DMTF1: variants seen among roughly 807,000 people sequenced by gnomAD.
DMTF1 encodes cyclin D binding myb like transcription factor 1.
Under a neutral mutation model 91.1 loss-of-function variants are expected in DMTF1, and 39 were observed. The ratio of observed to expected loss-of-function variants is 0.43; its 90% confidence interval spans 0.33 to 0.56. The LOEUF (loss-of-function observed/expected upper bound fraction) is 0.56. Ranked by LOEUF, DMTF1 falls within the 20% of genes least tolerant of loss-of-function variation. The pLI is 0.05. For synonymous variants in DMTF1, 338 were observed against 309.5 expected, an observed-to-expected ratio of 1.09 and a Z score of -0.97; for missense variants, 750 against 914.5, an observed-to-expected ratio of 0.82 and a Z score of 2.32.
intron 9 of DMTF1, 53 bp from the exon 10 acceptor site, chr7:87,182,175 T>A: frequency 6.2e-7 from 1 of 1,612,774 alleles, no homozygotes; most frequent in Non-Finnish European, 8.5e-7. Context: ...ATGATGAAAT[T>A]AAAAGGGAGA....
chr7:87,154,771 C>CT (rs1790241677), intron 1 of DMTF1, among the ~76,000 whole-genome samples: 2 of 152,004 alleles, frequency 1.3e-5, no homozygotes, highest in Non-Finnish European at 2.9e-5. Flanking sequence ...TTAGAGATCT[C>CT]TTTTTTCAAT....
intron 1 of DMTF1, among the ~76,000 whole-genome samples, chr7:87,153,596 G>GCTTT (rs1321772826): frequency 6.6e-6 from 1 of 152,128 alleles, no homozygotes; most frequent in African/African-American, 2.4e-5. Context: ...TTGTGTAGTT[G>GCTTT]CTTTTTTCGC....
At chr7:87,168,186 CCTAA>C (rs753392313) in intron 4 of DMTF1, among the ~76,000 whole-genome samples, 12 of 152,156 alleles carry the variant, frequency 7.9e-5, no homozygotes, top group Non-Finnish European at 1.5e-4. Flanking sequence ...ACAGCATCAG[CCTAA>C]CTCTCATATT....
intron 1 of DMTF1, among the ~76,000 whole-genome samples, chr7:87,160,772 C>G (rs920761074): frequency 2.0e-5 from 3 of 152,182 alleles, no homozygotes; most frequent in African/African-American, 7.2e-5. Flanking sequence ...TGAAAAAACA[C>G]TCTTGTGCTT....
intron 13 of DMTF1, among the ~76,000 whole-genome samples, chr7:87,189,592 A>G (rs1488779711): frequency 6.6e-6 from 1 of 152,146 alleles, no homozygotes; most frequent in Non-Finnish European, 1.5e-5. Flanking sequence ...CTCTTACAGC[A>G]AGAAAAATGA....
At position 87,184,451 on chromosome 7, in the gene DMTF1, C is replaced by T; in HGVS notation, c.875C>T (p.Thr292Ile). The T allele has an allele frequency of 6.2e-7, 1 of 1,613,970 alleles. No homozygotes were observed. The highest frequency in any genetic ancestry group is 8.5e-7 in the Non-Finnish European group (1 of 1,179,940). Residue 292 changes from threonine (T) to isoleucine (I), a missense_variant, in exon 11 of 18, where the codon ACA becomes ATA. Physicochemically the swap from Thr to Ile is moderately conservative, Grantham distance 89. Around this residue, in one of 3 missense-constraint regions of DMTF1, gnomAD observed 190 missense variants for 343.8 expected, o/e 0.55. Transcript: ENST00000331242. Reference protein sequence around the residue: ...KRLAEVVHELTSTEPGDIVTQ... With the variant: ...KRLAEVVHELISTEPGDIVTQ... ...CTTGCAGAAGTGGTTCATGAGTTGACAAGCACTGAGCCAGGTGACATAGTC... is the reference window on the plus strand; with the variant it reads ...CTTGCAGAAGTGGTTCATGAGTTGATAAGCACTGAGCCAGGTGACATAGTC...
In DMTF1 at chr7:87,182,249, T is replaced by C; in HGVS notation, c.732T>C (p.Asn244=). ...TTAGGCTCCGGATAAAGCATGGCAA[T>C]GACTGGGCAACAATAGGGGCGGCGC... ...KLKELRIKHG[N]DWATIGAALG... is the part of the protein sequence containing the mutation. The change falls in exon 10 of 18, where the codon AAT becomes AAC. Residue 244 remains asparagine (N), a synonymous_variant. Coordinates refer to ENST00000331242, the MANE Select transcript of DMTF1 (RefSeq NM_001142327.2). 1 of 1,614,110 alleles carries C rather than the reference T, an allele frequency of 6.2e-7. No individual in the cohort carries two copies. The highest frequency in any genetic ancestry group is 1.7e-5 in the Admixed American group (1 of 60,006).
intron 12 of DMTF1, 91 bp downstream of exon 12, chr7:87,186,071 A>G (rs1054090397): frequency 3.2e-5 from 44 of 1,395,928 alleles, no homozygotes; most frequent in Non-Finnish European, 4.2e-5. Flanking sequence ...TGCCCCAGCT[A>G]GAGATATCAT....
chr7:87,185,784 G>C, intron 11 of DMTF1, 45 bp from the exon 12 acceptor site: 1 of 1,606,264 alleles, frequency 6.2e-7, no homozygotes, highest in Non-Finnish European at 8.5e-7. Flanking sequence ...GGTTCTTATA[G>C]AGAAATTAAT....
rs1184712693 is a variant in DMTF1, at chr7:87,163,603, C to T, written c.-23C>T. 1 of 152,162 alleles carries T rather than the reference C, an allele frequency of 6.6e-6. No individual in the cohort carries two copies. The highest frequency in any genetic ancestry group is 1.5e-5 in the Non-Finnish European group (1 of 68,042). The allele number at this position is 152,162 out of a possible 1,614,324, so 9.4% of individuals were successfully genotyped here. A position where few individuals can be genotyped will look rare whatever the true frequency, so the allele number is the denominator to read the frequency against. ...TTCTGTGGGAAGGGCTGTAGCTGATCCATCCGTTGTCTAGGTAAGTCTGCT... is the reference window on the plus strand; with the variant it reads ...TTCTGTGGGAAGGGCTGTAGCTGATTCATCCGTTGTCTAGGTAAGTCTGCT... On this transcript the variant is annotated 5_prime_UTR_variant, in exon 2 of 18. Transcript: ENST00000331242.
At chr7:87,157,201 G>T (rs1473493966) in intron 1 of DMTF1, among the ~76,000 whole-genome samples, 1 of 152,126 alleles carries the variant, frequency 6.6e-6, no homozygotes, top group Non-Finnish European at 1.5e-5. Context: ...GTGTTTCTCA[G>T]TCTTTAACTC....
chr7:87,159,113 AT>A (rs1791551329), intron 1 of DMTF1, among the ~76,000 whole-genome samples: 1 of 152,166 alleles, frequency 6.6e-6, no homozygotes, highest in African/African-American at 2.4e-5. Context: ...TTCCATAGTT[AT>A]GCATGAATAA....
chr7:87,179,742 G>T (rs1482017439), intron 8 of DMTF1, 40 bp downstream of exon 8: 1 of 1,527,590 alleles, frequency 6.5e-7, no homozygotes. Context: ...CATGTAATTA[G>T]GGGAAATATT....
intron 1 of DMTF1, among the ~76,000 whole-genome samples, chr7:87,153,837 AAT>A (rs1789978732): frequency 6.6e-6 from 1 of 152,220 alleles, no homozygotes; most frequent in Non-Finnish European, 1.5e-5. Context: ...TTAAGCTCCA[AAT>A]ACGAAAATAT....
At chr7:87,159,198 G>C (rs1381902426) in intron 1 of DMTF1, among the ~76,000 whole-genome samples, 1 of 152,058 alleles carries the variant, frequency 6.6e-6, no homozygotes, top group African/African-American at 2.4e-5. Context: ...GATAAGACTA[G>C]AAAATTAAAG....
At chr7:87,176,660 G>A (rs915882785) in intron 7 of DMTF1, among the ~76,000 whole-genome samples, 1 of 152,160 alleles carries the variant, frequency 6.6e-6, no homozygotes, top group Non-Finnish European at 1.5e-5. Context: ...AGGAAAAGGA[G>A]TTAGAGCAAC....
At chr7:87,184,331 T>A in intron 10 of DMTF1, 66 bp from the exon 11 acceptor site, 3 of 1,443,718 alleles carry the variant, frequency 2.1e-6, no homozygotes, top group Non-Finnish European at 2.9e-6. Context: ...TCCTTGTAAA[T>A]AGAGGGCTGA....
Position 87,195,096 on chromosome 7 carries a change from T to G in DMTF1, c.2239T>G (p.Ser747Ala). Reference protein sequence around the residue: ...IIGSSLGSPVSEDSKDVEDLV... With the variant: ...IIGSSLGSPVAEDSKDVEDLV... ...TGGATCATCCTTGGGCAGTCCTGTT[T>G]CAGAAGATTCAAAGGATGTCGAAGA... Residue 747 changes from serine (S) to alanine (A), a missense_variant, in exon 18 of 18, where the codon TCA becomes GCA. Transcript: ENST00000331242. 1 of 1,612,376 alleles carries G rather than the reference T, an allele frequency of 6.2e-7. No individual in the cohort carries two copies. Among genetic ancestry groups the G allele is most frequent in the Non-Finnish European group, 8.5e-7 (1 of 1,178,932 alleles).
At chr7:87,160,324 G>C (rs1437794220) in intron 1 of DMTF1, among the ~76,000 whole-genome samples, 1 of 150,964 alleles carries the variant, frequency 6.6e-6, no homozygotes, top group Non-Finnish European at 1.5e-5. Flanking sequence ...CTCCAGGCTG[G>C]AGTGCAATGG....
Sources: gnomAD v4.1 joint callset for allele counts (sites outside exome capture counted in the v4.1 genomes callset) on GRCh38, gnomAD v4.1.1 for gene constraint, gnomAD v4.1.1 regional missense constraint, MANE v1.5 for transcripts, NCBI Gene and HGNC (gene_info 2026-07-23, HGNC 2026-07-21) for gene names.